SH2D3C: variants seen among roughly 807,000 people sequenced by gnomAD.
SH2D3C encodes SH2 domain-containing protein 3C.
SH2D3C carries 25 observed loss-of-function variants against 75.2 expected under a neutral mutation model. That is an observed-to-expected ratio of 0.33 (90% CI 0.24 to 0.46). SH2D3C has a LOEUF of 0.46. SH2D3C is among the 20% of genes least tolerant of loss of function. SH2D3C has a pLI of 1.00. For synonymous variants in SH2D3C, 450 were observed against 473.7 expected (o/e 0.95, Z 0.65); for missense variants, 933 against 1,165.3 (o/e 0.80, Z 2.90).
intron 2 of SH2D3C, among the ~76,000 whole-genome samples, chr9:127,772,704 A>C (rs1390841055): frequency 6.6e-6 from 1 of 152,166 alleles, no homozygotes; most frequent in Admixed American, 6.6e-5. Context: ...AGGATTGAGA[A>C]GGTGGTGAGT....
chr9:127,776,046 C>T (rs1845803776), intron 1 of SH2D3C, among the ~76,000 whole-genome samples: 1 of 152,058 alleles, frequency 6.6e-6, no homozygotes, highest in Non-Finnish European at 1.5e-5. Flanking sequence ...CCAGGCTAGT[C>T]TCAAACTCCT....
chr9:127,774,210 C>T lies in SH2D3C; in HGVS notation c.295G>A (p.Glu99Lys). 1 of 1,613,962 alleles carries T rather than the reference C, an allele frequency of 6.2e-7. No homozygotes were observed. Among genetic ancestry groups the T allele is most frequent in the Non-Finnish European group, 8.5e-7 (1 of 1,179,942 alleles). Reference sequence around the variant, plus strand: ...ACCAAGTTGGGCTTGGGACCCGCCTCCTGGGCCTGCCGGGCAGCCTGTGAG... The same window carrying T: ...ACCAAGTTGGGCTTGGGACCCGCCTTCTGGGCCTGCCGGGCAGCCTGTGAG... ...QNSQAARQAQ[E>K]AGPKPNLVPG... is the part of the protein sequence containing the mutation. Residue 99 changes from glutamate to lysine, a missense_variant, in exon 2 of 12, where the codon GAG becomes AAG. Coordinates refer to ENST00000314830, the MANE Select transcript of SH2D3C (RefSeq NM_170600.3). The surrounding 1 kb of genome is among the most constrained non-coding windows in gnomAD (Gnocchi z 4.3).
intron 2 of SH2D3C, among the ~76,000 whole-genome samples, chr9:127,772,233 A>T (rs1032709733): frequency 4.1e-5 from 6 of 146,030 alleles, no homozygotes; most frequent in Admixed American, 4.1e-4. Flanking sequence ...ACTTTTGCTC[A>T]GGTGGCTTTT....
chr9:127,763,671 G>A (rs551037005), intron 2 of SH2D3C, among the ~76,000 whole-genome samples: 2 of 152,288 alleles, frequency 1.3e-5, no homozygotes, highest in East Asian at 3.9e-4. Flanking sequence ...ATGGGGAGGG[G>A]AGTCAAATAT....
chr9:127,767,018 T>C (rs1377859685), intron 2 of SH2D3C: 10 of 1,536,158 alleles, frequency 6.5e-6, no homozygotes, highest in Non-Finnish European at 8.7e-6. Context: ...CCATGGGGCC[T>C]GTGGGATTCC....
chr9:127,754,384 C>A lies in SH2D3C; in HGVS notation c.556-3084G>T, dbSNP rs552278687. Among the ~76,000 whole-genome samples, 2 of 152,258 alleles carry A rather than the reference C, an allele frequency of 1.3e-5. No individual in the cohort carries two copies. The highest frequency in any genetic ancestry group is 2.9e-5 in the Non-Finnish European group (2 of 67,982). ...AGGGTCTTAACCCCTTCCCGCCAGC[C>A]CGAGCCCAGCATCCCCTCCAGCTCC... On this transcript the variant is annotated intron_variant, in intron 3 of 11. Coordinates refer to ENST00000314830, the MANE Select transcript of SH2D3C (RefSeq NM_170600.3). The surrounding 1 kb of genome is among the most constrained non-coding windows in gnomAD (Gnocchi z 4.4).
chr9:127,760,135 T>C (rs979784239), intron 3 of SH2D3C, among the ~76,000 whole-genome samples: 1 of 151,798 alleles, frequency 6.6e-6, no homozygotes, highest in Non-Finnish European at 1.5e-5. Context: ...AGGTGGCTCT[T>C]AAAAAAATAA....
chr9:127,769,559 G>C (rs973211404), intron 2 of SH2D3C, among the ~76,000 whole-genome samples: 2 of 151,776 alleles, frequency 1.3e-5, no homozygotes, highest in Non-Finnish European at 2.9e-5. Flanking sequence ...GGGAGGCTGA[G>C]GCAGAAGAAT....
intron 6 of SH2D3C, among the ~76,000 whole-genome samples, chr9:127,746,170 C>T (rs1845023989): frequency 6.6e-6 from 1 of 152,132 alleles, no homozygotes; most frequent in Admixed American, 6.6e-5. Flanking sequence ...GTTTTATACT[C>T]AGGGTATTGC....
chr9:127,766,292 A>C (rs1247137511), intron 2 of SH2D3C, among the ~76,000 whole-genome samples: 5 of 152,164 alleles, frequency 3.3e-5, no homozygotes, highest in African/African-American at 1.2e-4. Context: ...AGACCTCCCC[A>C]ACCTCTGCCA....
At chr9:127,770,583 G>A (rs2131807485) in intron 2 of SH2D3C, among the ~76,000 whole-genome samples, 1 of 152,312 alleles carries the variant, frequency 6.6e-6, no homozygotes, top group African/African-American at 2.4e-5. Flanking sequence ...CTGGAGGGCA[G>A]ATGGAGCACT....
chr9:127,777,185 C>T (rs1006759552), intron 1 of SH2D3C, among the ~76,000 whole-genome samples: 25 of 152,316 alleles, frequency 1.6e-4, no homozygotes, highest in Admixed American at 1.2e-3. Flanking sequence ...CTGCCCTTTA[C>T]GCCACATGTC....
At position 127,751,424 on chromosome 9, in the gene SH2D3C, T is replaced by C; in HGVS notation, c.556-124A>G. On this transcript the variant is annotated intron_variant, in intron 3 of 11. Transcript: ENST00000314830. The surrounding 1 kb of genome is among the most constrained non-coding windows in gnomAD (Gnocchi z 4.1). ...GACTCTGGGAACACTAAGGCACAGG[T>C]GCCAGACCCTTTCCCATGGGTCCCA... 1.1e-6 allele frequency: 1 copy of C among 889,972 alleles called. No individual in the cohort carries two copies. The highest frequency in any genetic ancestry group is 1.8e-6 in the Non-Finnish European group (1 of 567,062). 55.1% of individuals were successfully genotyped at this position (889,972 alleles called of 1,614,324 possible). A position where few individuals can be genotyped will look rare whatever the true frequency, so the allele number is the denominator to read the frequency against.
At position 127,738,973 on chromosome 9, in the gene SH2D3C, G is replaced by T. The variant is rs377146474; in HGVS notation, c.2408-52C>A. ...GCAGAGGCTGGGGTTCCTGTCCAGA[G>T]CCCTAGCATTCTTCAGGACCCCCCT... On this transcript the variant is annotated intron_variant, in intron 11 of 11. Coordinates refer to ENST00000314830, the MANE Select transcript of SH2D3C (RefSeq NM_170600.3). This position sits in a 1 kb window ranked among gnomAD's most constrained non-coding sequence, Gnocchi z 5.0. 8 of 1,444,724 alleles carry T rather than the reference G, an allele frequency of 5.5e-6. No homozygotes were observed. Among genetic ancestry groups the T allele is most frequent in the Non-Finnish European group, 6.4e-6 (7 of 1,090,842 alleles). 89.5% of individuals were successfully genotyped at this position (1,444,724 alleles called of 1,614,324 possible).
At chr9:127,777,092 G>A (rs1236959685) in intron 1 of SH2D3C, among the ~76,000 whole-genome samples, 1 of 152,166 alleles carries the variant, frequency 6.6e-6, no homozygotes, top group African/African-American at 2.4e-5. Flanking sequence ...CCTCAAGCAA[G>A]TCTCTGGGCC....
chr9:127,754,636 A>C lies in SH2D3C; in HGVS notation c.556-3336T>G, dbSNP rs1412492949. Reference sequence around the variant, plus strand: ...GCTCTGGCCCCAACCCTGGCATCCGAAGCATCCCCCGCGTTTCCTGCTCCT... The same window carrying C: ...GCTCTGGCCCCAACCCTGGCATCCGCAGCATCCCCCGCGTTTCCTGCTCCT... On this transcript the variant is annotated intron_variant, in intron 3 of 11. Transcript: ENST00000314830. This position sits in a 1 kb window ranked among gnomAD's most constrained non-coding sequence, Gnocchi z 4.4. 2.6e-5 allele frequency among the ~76,000 whole-genome samples: 4 copies of C among 151,970 alleles called. No individual in the cohort carries two copies. The highest frequency in any genetic ancestry group is 9.7e-5 in the African/African-American group (4 of 41,362).
At position 127,749,248 on chromosome 9, in the gene SH2D3C, C is replaced by T; in HGVS notation, c.1102G>A (p.Ala368Thr). 1.3e-6 allele frequency: 2 copies of T among 1,585,430 alleles called. No individual in the cohort carries two copies. Among genetic ancestry groups the T allele is most frequent in the African/African-American group, 2.7e-5 (2 of 74,720 alleles). Residue 368 changes from alanine (A) to threonine (T), a missense_variant, in exon 5 of 12, where the codon GCT (alanine) becomes ACT (threonine). Coordinates refer to ENST00000314830, the MANE Select transcript of SH2D3C (RefSeq NM_170600.3). The surrounding 1 kb of genome is among the most constrained non-coding windows in gnomAD (Gnocchi z 5.9). ...CCATCGCTGCGGGTGACCTTGTCAG[C>T]AGTGAGCCCATCGGTCATGGTGACG... ...RSVTMTDGLT[A>T]DKVTRSDGCP...
chr9:127,763,151 C>T (rs1845569963), intron 2 of SH2D3C, among the ~76,000 whole-genome samples: 1 of 152,180 alleles, frequency 6.6e-6, no homozygotes, highest in South Asian at 2.1e-4. Flanking sequence ...GAAGCTTGTC[C>T]CTCCTCCCTC....
chr9:127,775,446 A>T (rs1845795571), intron 1 of SH2D3C, among the ~76,000 whole-genome samples: 1 of 151,996 alleles, frequency 6.6e-6, no homozygotes, highest in Non-Finnish European at 1.5e-5. Context: ...CCTGGTCAAC[A>T]TGGTGAAACC....
Sources: allele counts gnomAD v4.1 joint callset (sites outside exome capture counted in the v4.1 genomes callset), GRCh38; gene constraint gnomAD v4.1.1; non-coding constraint Gnocchi (gnomAD v3.1); transcripts MANE v1.5; gene names NCBI Gene and HGNC (gene_info 2026-07-23, HGNC 2026-07-21).